The following AOPEP variants were observed in gnomAD, a reference collection of about 807,000 sequenced individuals.
AOPEP encodes the protein aminopeptidase O (putative).
AOPEP carries 77 observed loss-of-function variants against 98.1 expected under a neutral mutation model. The observed-to-expected ratio is 0.78, with a 90% CI of 0.65 to 0.95. The LOEUF (loss-of-function observed/expected upper bound fraction) is 0.95. Ranked by LOEUF, AOPEP falls within the 40% of genes least tolerant of loss-of-function variation. The pLI, the probability that AOPEP is intolerant of heterozygous loss-of-function variation, is 0.00. For synonymous variants in AOPEP, 346 were observed against 365.3 expected (o/e 0.95, Z 0.60); for missense variants, 1,024 against 1,024.7 (o/e 1.00, Z 0.01).
rs573720135 is a variant in AOPEP, at chr9:94,898,629, C to G, written c.1365-25357C>G. On this transcript the variant is annotated intron_variant, in intron 5 of 16. Coordinates refer to ENST00000375315, the MANE Select transcript of AOPEP (RefSeq NM_001193329.3). ...CCTGGGCGACAGAACAAGACTGTCT[C>G]AAAAATAAAAAATAAAATGAAAAAA... Among the ~76,000 whole-genome samples, 5 of 97,306 alleles carry G rather than the reference C, an allele frequency of 5.1e-5. No individual in the cohort carries two copies. The South Asian group carries it at 1.8e-3, about 35-fold the overall frequency. The allele number at this position is 97,306 out of a possible 152,430, so 63.8% of individuals were successfully genotyped here.
chr9:94,766,365 C>T (rs897140604), intron 2 of AOPEP, among the ~76,000 whole-genome samples: 7 of 152,112 alleles, frequency 4.6e-5, no homozygotes, highest in South Asian at 4.1e-4. Context: ...GGTGAAACCC[C>T]GTCTCTACTA....
chr9:95,117,784 C>T, the AOPEP span, among the ~76,000 whole-genome samples: 5 of 147,290 alleles, frequency 3.4e-5, no homozygotes, highest in Admixed American at 2.8e-4. Flanking sequence ...AGTGCAATGG[C>T]GCGATCTCAG....
the AOPEP span, chr9:95,135,581 A>G: frequency 8.3e-7 from 1 of 1,205,918 alleles, no homozygotes; most frequent in Non-Finnish European, 1.2e-6. Context: ...TCAAAATGCA[A>G]TCACTAATCC....
chr9:94,841,548 C>G (rs899937935), intron 5 of AOPEP, among the ~76,000 whole-genome samples: 3 of 152,144 alleles, frequency 2.0e-5, no homozygotes, highest in African/African-American at 7.2e-5. Context: ...GGGACTTTCT[C>G]TTTGATCCAT....
At chr9:95,115,691 G>C in the AOPEP span, among the ~76,000 whole-genome samples, 1 of 152,202 alleles carries the variant, frequency 6.6e-6, no homozygotes, top group Non-Finnish European at 1.5e-5. Context: ...AGGAAGGTAA[G>C]GCGAGTGATG....
At chr9:94,952,754 G>A (rs779041009) in intron 7 of AOPEP, among the ~76,000 whole-genome samples, 3 of 152,240 alleles carry the variant, frequency 2.0e-5, no homozygotes, top group Non-Finnish European at 4.4e-5. Context: ...TGCAAAGCTT[G>A]CCTGTGCACT....
At chr9:95,139,107 T>TG in the AOPEP span, among the ~76,000 whole-genome samples, 1 of 152,236 alleles carries the variant, frequency 6.6e-6, no homozygotes, top group Non-Finnish European at 1.5e-5. Context: ...AACATATTTG[T>TG]GTTCTACCTG....
chr9:94,958,186 T>C (rs2138054657), intron 9 of AOPEP, among the ~76,000 whole-genome samples: 1 of 152,292 alleles, frequency 6.6e-6, no homozygotes, highest in East Asian at 1.9e-4. Flanking sequence ...GCATAATGTC[T>C]TCAGAGGTCA....
At chr9:94,884,009 C>T (rs927129080) in intron 5 of AOPEP, among the ~76,000 whole-genome samples, 25 of 152,192 alleles carry the variant, frequency 1.6e-4, no homozygotes, top group African/African-American at 5.8e-4. Flanking sequence ...AGAGTTTCCT[C>T]ATGGGTTGCT....
At position 94,735,251 on chromosome 9, in the gene AOPEP, C is replaced by T. The variant is rs575769023; in HGVS notation, c.-136+8500C>T. 5.9e-5 allele frequency among the ~76,000 whole-genome samples: 9 copies of T among 152,276 alleles called. No individual in the cohort carries two copies. The East Asian group carries it at 1.5e-3, about 26-fold the overall frequency. On this transcript the variant is annotated intron_variant, in intron 1 of 16. Coordinates refer to ENST00000375315, the MANE Select transcript of AOPEP (RefSeq NM_001193329.3). ...TTTTTTCTTTTTTGAGACGGAGTCT[C>T]GCTCTGTCACCCAGGCTGGAGTGCA...
the AOPEP span, among the ~76,000 whole-genome samples, chr9:95,145,831 C>T: frequency 2.0e-5 from 3 of 152,118 alleles, no homozygotes; most frequent in Non-Finnish European, 4.4e-5. Context: ...GGCGGACATG[C>T]TTTACCACCG....
At chr9:94,848,766 A>G (rs952607549) in intron 5 of AOPEP, among the ~76,000 whole-genome samples, 10 of 152,162 alleles carry the variant, frequency 6.6e-5, no homozygotes, top group African/African-American at 2.4e-4. Context: ...GGAAAGCATT[A>G]TTATAGTGAA....
intron 1 of AOPEP, among the ~76,000 whole-genome samples, chr9:94,743,341 A>G (rs562624718): frequency 1.6e-4 from 24 of 152,324 alleles, no homozygotes; most frequent in African/African-American, 5.8e-4. Flanking sequence ...GAGATGCCAC[A>G]GAGAGTCAAG....
chr9:95,022,277 TC>T (rs1224132197), intron 13 of AOPEP: 2 of 152,216 alleles, frequency 1.3e-5, no homozygotes, highest in African/African-American at 4.8e-5. Context: ...AGAAAGTGCC[TC>T]TATGGTATTC....
intron 1 of AOPEP, among the ~76,000 whole-genome samples, chr9:94,756,797 C>T (rs905018552): frequency 4.6e-5 from 7 of 152,150 alleles, no homozygotes; most frequent in African/African-American, 7.2e-5. Context: ...CCACAGAGAA[C>T]CATTTTTCTC....
intron 13 of AOPEP, among the ~76,000 whole-genome samples, chr9:95,023,337 G>A (rs569357681): frequency 1.3e-5 from 2 of 152,328 alleles, no homozygotes; most frequent in South Asian, 2.1e-4. Flanking sequence ...GCGGATGTGG[G>A]CCAGCTGAAG....
chr9:94,842,998 T>G (rs896255745), intron 5 of AOPEP, among the ~76,000 whole-genome samples: 2 of 152,190 alleles, frequency 1.3e-5, no homozygotes, highest in South Asian at 4.1e-4. Context: ...TTGTTTAAGC[T>G]TTGCTCATCT....
At chr9:95,104,112 A>G in the AOPEP span, among the ~76,000 whole-genome samples, 1 of 152,156 alleles carries the variant, frequency 6.6e-6, no homozygotes, top group African/African-American at 2.4e-5. Flanking sequence ...GCTCTTTCCA[A>G]GGTGCTGTCG....
chr9:94,906,476 T>TAAG (rs2051154708), intron 5 of AOPEP, among the ~76,000 whole-genome samples: 1 of 127,296 alleles, frequency 7.9e-6, no homozygotes. Flanking sequence ...ATAATAATAA[T>TAAG]AATAATAAAA....
Sources: gnomAD v4.1 joint callset for allele counts (sites outside exome capture counted in the v4.1 genomes callset) on GRCh38, gnomAD v4.1.1 for gene constraint, MANE v1.5 for transcripts, NCBI Gene and HGNC (gene_info 2026-07-23, HGNC 2026-07-21) for gene names.